The following PLXDC1 variants were observed in gnomAD, a reference collection of about 807,000 sequenced individuals.
PLXDC1 encodes plexin domain containing 1.
A neutral mutation model predicts 61.3 loss-of-function variants in PLXDC1; 39 were observed. That is an observed-to-expected ratio of 0.64 (90% CI 0.49 to 0.83). PLXDC1 has a LOEUF of 0.83. Among genes scored for constraint, PLXDC1 ranks in the 40% least tolerant of loss-of-function variants. The pLI, the probability that PLXDC1 is intolerant of heterozygous loss-of-function variation, is 0.00. For synonymous variants in PLXDC1, 212 were observed against 254.5 expected, an observed-to-expected ratio of 0.83 and a Z score of 1.59; for missense variants, 596 against 666.5, an observed-to-expected ratio of 0.89 and a Z score of 1.17.
Position 39,067,614 on chromosome 17 carries a change from T to G in PLXDC1, c.*226A>C. 4.8e-5 allele frequency: 23 copies of G among 475,636 alleles called. No individual in the cohort carries two copies. The highest frequency in any genetic ancestry group is 1.0e-4 in the East Asian group (3 of 30,092). 29.5% of individuals were successfully genotyped at this position (475,636 alleles called of 1,614,324 possible). A position where few individuals can be genotyped will look rare whatever the true frequency, so the allele number is the denominator to read the frequency against. On this transcript the variant is annotated 3_prime_UTR_variant, in exon 14 of 14. Coordinates refer to ENST00000315392, the MANE Select transcript of PLXDC1 (RefSeq NM_020405.5). ...AGAGAACCCTTGCATCAAAACAGGA[T>G]GAGATTAGGTTGTTGTTCCTATAAA...
intron 9 of PLXDC1, 28 bp from the exon 10 acceptor site, chr17:39,079,192 A>G: frequency 6.3e-7 from 1 of 1,599,512 alleles, no homozygotes; most frequent in Non-Finnish European, 8.6e-7. Context: ...GGACAGAGTT[A>G]TGATGGGATT....
At chr17:39,082,693 A>G (rs1047953285) in intron 9 of PLXDC1, among the ~76,000 whole-genome samples, 5 of 151,998 alleles carry the variant, frequency 3.3e-5, no homozygotes, top group Non-Finnish European at 7.4e-5. Flanking sequence ...AGGACTTCCC[A>G]CTCTCATGAG....
At chr17:39,127,949 A>C (rs1481802734) in intron 2 of PLXDC1, among the ~76,000 whole-genome samples, 2 of 147,786 alleles carry the variant, frequency 1.4e-5, no homozygotes, top group East Asian at 4.0e-4. Context: ...CTCACAAAAA[A>C]AAAAAAAAAA....
chr17:39,079,948 G>A, intron 9 of PLXDC1: 1 of 199,130 alleles, frequency 5.0e-6, no homozygotes, highest in Non-Finnish European at 1.0e-5. Context: ...GCCAAGGCTT[G>A]CCAGGAGCTG....
rs564078043 is a variant in PLXDC1 at position 39,079,133 on chromosome 17, C to T, written c.1021G>A (p.Glu341Lys). ...CSSGFDRYRQEWMDYGCAQEA... is the reference protein window; with the variant it reads ...CSSGFDRYRQKWMDYGCAQEA... Reference sequence around the variant, plus strand: ...TGTGCACAGCCATAGTCCATCCACTCCTGGCGATAGCGGTCAAAGCCACTG... The same window carrying T: ...TGTGCACAGCCATAGTCCATCCACTTCTGGCGATAGCGGTCAAAGCCACTG... Residue 341 changes from glutamate (E) to lysine (K), a missense_variant, in exon 10 of 14, where the codon GAG becomes AAG. Transcript: ENST00000315392. 2 of 1,613,978 alleles carry T rather than the reference C, an allele frequency of 1.2e-6. No individual in the cohort carries two copies. Among genetic ancestry groups the T allele is most frequent in the East Asian group, 4.5e-5 (2 of 44,882 alleles).
intron 6 of PLXDC1, among the ~76,000 whole-genome samples, chr17:39,107,085 C>T (rs1380150897): frequency 6.6e-6 from 1 of 152,182 alleles, no homozygotes; most frequent in African/African-American, 2.4e-5. Context: ...CGTATTTATC[C>T]TTCAGATTTC....
chr17:39,088,622 G>C (rs1361596950), intron 7 of PLXDC1, among the ~76,000 whole-genome samples: 1 of 152,074 alleles, frequency 6.6e-6, no homozygotes, highest in Non-Finnish European at 1.5e-5. Flanking sequence ...CCATGACTTG[G>C]GGTTGGTTTT....
At chr17:39,072,514 G>A in intron 11 of PLXDC1, 29 bp from the exon 12 acceptor site, 1 of 1,363,298 alleles carries the variant, frequency 7.3e-7, no homozygotes, top group Non-Finnish European at 1.0e-6. Flanking sequence ...GAAGGAGCAA[G>A]ATTAGTGGAA....
chr17:39,106,753 G>A (rs967050406), intron 6 of PLXDC1, among the ~76,000 whole-genome samples: 29 of 150,326 alleles, frequency 1.9e-4, no homozygotes, highest in Middle Eastern at 6.9e-3. Flanking sequence ...GGGTTCAAGC[G>A]ATTCTCCTGC....
intron 2 of PLXDC1, among the ~76,000 whole-genome samples, chr17:39,136,613 G>GA (rs1937602933): frequency 6.6e-6 from 1 of 151,406 alleles, no homozygotes; most frequent in African/African-American, 2.4e-5. Flanking sequence ...GAGATACAAG[G>GA]AAAAAAACAG....
At chr17:39,135,484 C>T (rs1478608994) in intron 2 of PLXDC1, among the ~76,000 whole-genome samples, 1 of 152,102 alleles carries the variant, frequency 6.6e-6, no homozygotes, top group Non-Finnish European at 1.5e-5. Context: ...TGAGACCAGC[C>T]TGGCCAACAT....
Position 39,106,000 on chromosome 17 carries a change from G to A in PLXDC1, c.712-47C>T, listed in dbSNP as rs71369711. 4,992 of 1,250,388 alleles carry A rather than the reference G, an allele frequency of 4.0e-3. 155 individuals carry two copies. The African/African-American group carries it at 0.064, about 16-fold the overall frequency. 77.5% of individuals were successfully genotyped at this position (1,250,388 alleles called of 1,614,324 possible). A position where few individuals can be genotyped will look rare whatever the true frequency, so the allele number is the denominator to read the frequency against. On this transcript the variant is annotated intron_variant, in intron 6 of 13. Coordinates refer to ENST00000315392, the MANE Select transcript of PLXDC1 (RefSeq NM_020405.5). ...CCGTCCACCTCCCAAACGCTCTGGG[G>A]CCCACCCAGCCCTCCCCTGTGAGCT...
intron 2 of PLXDC1, among the ~76,000 whole-genome samples, chr17:39,121,534 G>A (rs781761660): frequency 1.4e-4 from 21 of 152,202 alleles, no homozygotes; most frequent in Non-Finnish European, 2.8e-4. Flanking sequence ...CCCATGGCTT[G>A]AAATTCACCA....
chr17:39,132,738 G>C (rs1911606023), intron 2 of PLXDC1, among the ~76,000 whole-genome samples: 1 of 152,190 alleles, frequency 6.6e-6, no homozygotes. Context: ...AGTCAAGGGG[G>C]CTGAGCCAGA....
intron 7 of PLXDC1, among the ~76,000 whole-genome samples, chr17:39,103,041 C>T (rs1443697043): frequency 2.6e-5 from 4 of 151,938 alleles, no homozygotes. Context: ...ATGGTGAAAC[C>T]CCATCTCTAC....
intron 7 of PLXDC1, among the ~76,000 whole-genome samples, chr17:39,100,788 C>T (rs965348924): frequency 3.3e-5 from 5 of 152,234 alleles, no homozygotes; most frequent in Admixed American, 6.5e-5. Flanking sequence ...AGAGCAGATG[C>T]TGCCTGCAGC....
At chr17:39,141,503 T>TG (rs1911932924) in intron 1 of PLXDC1, among the ~76,000 whole-genome samples, 1 of 152,238 alleles carries the variant, frequency 6.6e-6, no homozygotes, top group Admixed American at 6.5e-5. Flanking sequence ...TTCCATTGTG[T>TG]GGATATACCA....
chr17:39,087,935 G>A (rs181822686), intron 7 of PLXDC1, among the ~76,000 whole-genome samples: 1 of 152,290 alleles, frequency 6.6e-6, no homozygotes, highest in East Asian at 1.9e-4. Context: ...CTGCTCTTGG[G>A]GGCAGGACAA....
intron 7 of PLXDC1, among the ~76,000 whole-genome samples, chr17:39,095,336 TA>T (rs2143559925): frequency 6.6e-6 from 1 of 151,768 alleles, no homozygotes; most frequent in South Asian, 2.1e-4. Context: ...GTAATATTTT[TA>T]TTTTTTTAAT....
Sources: allele counts gnomAD v4.1 joint callset (sites outside exome capture counted in the v4.1 genomes callset), GRCh38; gene constraint gnomAD v4.1.1; transcripts MANE v1.5; gene names NCBI Gene and HGNC (gene_info 2026-07-23, HGNC 2026-07-21).